SETBP1: variants seen among roughly 807,000 people sequenced by gnomAD.
SETBP1 encodes SET binding protein 1.
SETBP1 carries 9 observed loss-of-function variants against 101.0 expected under a neutral mutation model. The observed-to-expected ratio is 0.09, with a 90% CI of 0.05 to 0.16. SETBP1 has a LOEUF of 0.16. Among genes scored for constraint, SETBP1 ranks in the 10% least tolerant of loss-of-function variants. SETBP1 has a pLI of 1.00. For synonymous variants in SETBP1, 818 were observed against 788.5 expected (o/e 1.04, Z -0.63); for missense variants, 1,858 against 2,033.8 (o/e 0.91, Z 1.66).
At chr18:44,881,341 G>C (rs563038925) in intron 3 of SETBP1, among the ~76,000 whole-genome samples, 1 of 152,288 alleles carries the variant, frequency 6.6e-6, no homozygotes, top group Admixed American at 6.5e-5. Flanking sequence ...CCTAAGGCAG[G>C]GGTGGGTAAG....
At chr18:45,032,518 A>G (rs1442453606) in intron 4 of SETBP1, among the ~76,000 whole-genome samples, 2 of 152,222 alleles carry the variant, frequency 1.3e-5, no homozygotes, top group African/African-American at 4.8e-5. Context: ...AATTTCCTTC[A>G]TTCATCTCTT....
intron 2 of SETBP1, among the ~76,000 whole-genome samples, chr18:44,729,805 A>G (rs956038166): frequency 1.3e-5 from 2 of 152,180 alleles, no homozygotes; most frequent in South Asian, 4.2e-4. Flanking sequence ...CAGAAAAAAA[A>G]AGTGTTTGCA....
intron 4 of SETBP1, among the ~76,000 whole-genome samples, chr18:45,001,494 G>C (rs1416984336): frequency 6.6e-6 from 1 of 152,148 alleles, no homozygotes; most frequent in Admixed American, 6.5e-5. Flanking sequence ...CCTATACAGA[G>C]TAGGCTGCCC....
intron 2 of SETBP1, among the ~76,000 whole-genome samples, chr18:44,810,833 G>A (rs1477131987): frequency 1.3e-5 from 2 of 152,190 alleles, no homozygotes; most frequent in Non-Finnish European, 2.9e-5. Context: ...AGCCTGAAGG[G>A]ACACTGGATG....
intron 4 of SETBP1, among the ~76,000 whole-genome samples, chr18:44,997,643 C>T (rs980528516): frequency 3.3e-5 from 5 of 152,138 alleles, no homozygotes; most frequent in Admixed American, 6.5e-5. Flanking sequence ...TTAGGCATTG[C>T]ATTACTTAGT....
chr18:44,944,906 C>T (rs542632322), intron 3 of SETBP1, among the ~76,000 whole-genome samples: 1 of 152,032 alleles, frequency 6.6e-6, no homozygotes, highest in African/African-American at 2.4e-5. Flanking sequence ...ATTTTTTGGA[C>T]TTTTAAGATT....
intron 3 of SETBP1, among the ~76,000 whole-genome samples, chr18:44,936,257 G>A (rs915429372): frequency 2.7e-5 from 4 of 146,678 alleles, no homozygotes; most frequent in African/African-American, 5.0e-5. Context: ...AGACAGAGCC[G>A]TGGTGCTGTA....
At chr18:44,682,920 C>T (rs1292337842) in intron 1 of SETBP1, among the ~76,000 whole-genome samples, 5 of 151,468 alleles carry the variant, frequency 3.3e-5, no homozygotes, top group South Asian at 2.1e-4. Flanking sequence ...AGGTGGTGAG[C>T]GAATGCACCA....
At chr18:44,791,078 G>A (rs2071362119) in intron 2 of SETBP1, among the ~76,000 whole-genome samples, 3 of 152,198 alleles carry the variant, frequency 2.0e-5, no homozygotes, top group Non-Finnish European at 4.4e-5. Context: ...GGACAGTTAA[G>A]TTGACAATGG....
intron 2 of SETBP1, among the ~76,000 whole-genome samples, chr18:44,728,439 T>C (rs1466722486): frequency 6.6e-6 from 1 of 152,128 alleles, no homozygotes; most frequent in Non-Finnish European, 1.5e-5. Flanking sequence ...CAAATTTAAG[T>C]GTGTTTGGGT....
intron 4 of SETBP1, among the ~76,000 whole-genome samples, chr18:45,006,478 T>C (rs1378345481): frequency 6.6e-6 from 1 of 152,194 alleles, no homozygotes; most frequent in Non-Finnish European, 1.5e-5. Flanking sequence ...GATCAAAGTG[T>C]CTGCAGAATT....
intron 4 of SETBP1, among the ~76,000 whole-genome samples, chr18:45,023,084 G>T (rs1471569997): frequency 6.6e-6 from 1 of 152,122 alleles, no homozygotes; most frequent in African/African-American, 2.4e-5. Context: ...CCTCTTAACT[G>T]TTTTGAAATG....
At chr18:44,720,913 C>CG (rs1233488591) in intron 2 of SETBP1, among the ~76,000 whole-genome samples, 3 of 141,704 alleles carry the variant, frequency 2.1e-5, no homozygotes, top group East Asian at 2.3e-4. Context: ...CCCCACCCCC[C>CG]ACCCCAACCC....
At chr18:44,993,417 A>C (rs532115244) in intron 4 of SETBP1, among the ~76,000 whole-genome samples, 10 of 152,196 alleles carry the variant, frequency 6.6e-5, no homozygotes, top group African/African-American at 1.9e-4. Flanking sequence ...AATAATATAT[A>C]AACAAGTTAT....
intron 2 of SETBP1, among the ~76,000 whole-genome samples, chr18:44,783,818 A>G (rs2071185394): frequency 6.6e-6 from 1 of 152,258 alleles, no homozygotes; most frequent in African/African-American, 2.4e-5. Flanking sequence ...GTCTAGAGTC[A>G]GGCCTGGATG....
chr18:44,998,195 G>T (rs1330573644), intron 4 of SETBP1, among the ~76,000 whole-genome samples: 2 of 152,214 alleles, frequency 1.3e-5, no homozygotes, highest in East Asian at 3.9e-4. Context: ...ATGGTTCGGG[G>T]CAGAGAGGAC....
chr18:44,713,298 C>T (rs1193135945), intron 2 of SETBP1, among the ~76,000 whole-genome samples: 1 of 152,120 alleles, frequency 6.6e-6, no homozygotes, highest in East Asian at 1.9e-4. Context: ...TTTCCAACTC[C>T]CTAAGGCATA....
chr18:44,690,415 G>T (rs992648874), intron 1 of SETBP1, among the ~76,000 whole-genome samples: 5 of 152,246 alleles, frequency 3.3e-5, no homozygotes, highest in African/African-American at 9.6e-5. Flanking sequence ...TCAGACGGTT[G>T]AGAAGTCAAG....
chr18:44,939,043 G>T (rs986007155), intron 3 of SETBP1, among the ~76,000 whole-genome samples: 4 of 151,592 alleles, frequency 2.6e-5, no homozygotes, highest in South Asian at 2.1e-4. Context: ...CATCATTTTT[G>T]AATGGATTTC....
Sources: allele counts gnomAD v4.1 joint callset (sites outside exome capture counted in the v4.1 genomes callset), GRCh38; gene constraint gnomAD v4.1.1; transcripts MANE v1.5; gene names NCBI Gene and HGNC (gene_info 2026-07-23, HGNC 2026-07-21).